ZNF804B: variants seen among roughly 807,000 people sequenced by gnomAD.
ZNF804B encodes zinc finger protein 804B, also known as zinc finger 804B.
A neutral mutation model predicts 101.4 loss-of-function variants in ZNF804B; 80 were observed. The ratio of observed to expected loss-of-function variants is 0.79; its 90% CI spans 0.66 to 0.95. ZNF804B has a LOEUF of 0.95. Ranked by LOEUF, ZNF804B falls within the 40% of genes least tolerant of loss-of-function variation. The pLI is 0.00. For synonymous variants in ZNF804B, 622 were observed against 558.8 expected (o/e 1.11, Z -1.59); for missense variants, 1,673 against 1,561.9 (o/e 1.07, Z -1.20).
At chr7:89,123,872 T>G (rs545693889) in intron 1 of ZNF804B, among the ~76,000 whole-genome samples, 2 of 152,270 alleles carry the variant, frequency 1.3e-5, no homozygotes, top group Admixed American at 1.3e-4. Flanking sequence ...TAAGACTCCA[T>G]GGAATATATT....
intron 2 of ZNF804B, among the ~76,000 whole-genome samples, chr7:89,319,547 C>T (rs1790786978): frequency 1.3e-5 from 2 of 152,276 alleles, no homozygotes; most frequent in Non-Finnish European, 2.9e-5. Flanking sequence ...ACTCCTGTGT[C>T]CAAGTCACAG....
At chr7:89,092,408 G>T (rs1227334582) in intron 1 of ZNF804B, among the ~76,000 whole-genome samples, 59 of 93,782 alleles carry the variant, frequency 6.3e-4, no homozygotes, top group East Asian at 2.2e-3. Flanking sequence ...TTTCTTTTCT[G>T]TTTTTTTTTT....
At chr7:88,961,852 CT>C (rs1158389606) in intron 1 of ZNF804B, among the ~76,000 whole-genome samples, 4 of 151,308 alleles carry the variant, frequency 2.6e-5, no homozygotes, top group Non-Finnish European at 5.9e-5. Flanking sequence ...TGACGCTGCC[CT>C]GCCACATTTC....
intron 1 of ZNF804B, among the ~76,000 whole-genome samples, chr7:89,164,783 C>T (rs1372568206): frequency 6.6e-6 from 1 of 152,042 alleles, no homozygotes; most frequent in African/African-American, 2.4e-5. Context: ...CATTATGTTG[C>T]TGTCTGAAGC....
At chr7:89,303,181 C>T (rs752763982) in intron 2 of ZNF804B, among the ~76,000 whole-genome samples, 5 of 151,724 alleles carry the variant, frequency 3.3e-5, no homozygotes, top group Non-Finnish European at 7.4e-5. Context: ...TGTTGTATTC[C>T]AGACATTTCA....
At position 89,197,691 on chromosome 7, in the gene ZNF804B, A is replaced by T. The variant is rs569762665; in HGVS notation, c.109-20464A>T. On this transcript the variant is annotated intron_variant, in intron 1 of 3. Coordinates refer to ENST00000333190, the MANE Select transcript of ZNF804B (RefSeq NM_181646.5). Reference sequence around the variant, plus strand: ...GTCACTCGGTTACTCATTAGAATTTATATTTTTCTCTTAACAGCACGCTTA... The same window carrying T: ...GTCACTCGGTTACTCATTAGAATTTTTATTTTTCTCTTAACAGCACGCTTA... 8.6e-5 allele frequency among the ~76,000 whole-genome samples: 13 copies of T among 152,010 alleles called. No homozygotes were observed. In the East Asian group the frequency reaches 2.5e-3, roughly 29 times the overall value.
At chr7:89,068,464 G>A (rs1789487824) in intron 1 of ZNF804B, among the ~76,000 whole-genome samples, 1 of 151,982 alleles carries the variant, frequency 6.6e-6, no homozygotes, top group South Asian at 2.1e-4. Flanking sequence ...TTTTCTGTAA[G>A]GAGAGTAAAT....
At chr7:88,939,767 TAA>T (rs956798325) in intron 1 of ZNF804B, among the ~76,000 whole-genome samples, 1 of 138,966 alleles carries the variant, frequency 7.2e-6, no homozygotes. Flanking sequence ...AGTGATCTAA[TAA>T]AAAAAAAAAG....
chr7:89,265,466 A>G (rs1438144563), intron 2 of ZNF804B, among the ~76,000 whole-genome samples: 1 of 151,066 alleles, frequency 6.6e-6, no homozygotes, highest in Non-Finnish European at 1.5e-5. Context: ...TAATTTGCAT[A>G]GAGGGAAGTT....
chr7:88,777,383 A>G (rs1790158082), intron 1 of ZNF804B, among the ~76,000 whole-genome samples: 1 of 152,194 alleles, frequency 6.6e-6, no homozygotes, highest in Non-Finnish European at 1.5e-5. Flanking sequence ...CCTTTGGAAG[A>G]CCCAACCAGA....
rs185035848 is a variant in ZNF804B at position 89,177,048 on chromosome 7, T to C, written c.109-41107T>C. On this transcript the variant is annotated intron_variant, in intron 1 of 3. Transcript: ENST00000333190. ...CCTTTTTTTGTTAGTCTGGCTAAGC[T>C]TTTGTTTATTTTGCTTATCTTTTCA... Among the ~76,000 whole-genome samples the C allele has an allele frequency of 2.5e-3, 386 of 152,238 alleles. 3 individuals carry two copies. The highest frequency in any genetic ancestry group is 8.4e-3 in the African/African-American group (349 of 41,574).
intron 1 of ZNF804B, among the ~76,000 whole-genome samples, chr7:88,976,621 A>AT (rs537530474): frequency 8.6e-5 from 13 of 151,376 alleles, no homozygotes; most frequent in Non-Finnish European, 1.5e-4. Context: ...ATTAGTTTTA[A>AT]TTTTTTTGGT....
chr7:89,261,277 CTT>C (rs529217692), intron 2 of ZNF804B, among the ~76,000 whole-genome samples: 33 of 151,824 alleles, frequency 2.2e-4, no homozygotes, highest in Non-Finnish European at 4.3e-4. Flanking sequence ...TTGTAATAGA[CTT>C]GTGATATTTT....
chr7:89,004,836 T>C (rs1263799387), intron 1 of ZNF804B, among the ~76,000 whole-genome samples: 3 of 151,996 alleles, frequency 2.0e-5, no homozygotes, highest in Non-Finnish European at 4.4e-5. Context: ...GCCACCATCT[T>C]CATTTTTCTG....
chr7:89,158,441 A>G (rs1419107375), intron 1 of ZNF804B, among the ~76,000 whole-genome samples: 1 of 151,836 alleles, frequency 6.6e-6, no homozygotes, highest in Non-Finnish European at 1.5e-5. Context: ...TTCTCAGATC[A>G]TTTTCTCTTT....
Position 89,210,145 on chromosome 7 carries a change from CAA to C in ZNF804B, c.109-7998_109-7997del, listed in dbSNP as rs35071660. Reference sequence around the variant, plus strand: ...CCTGGGTGAGAGTGAGACTTCATATCAAAAAAAAAAAAAGAAAGAAATCAATC... The same window carrying C: ...CCTGGGTGAGAGTGAGACTTCATATCAAAAAAAAAAAGAAAGAAATCAATC... On this transcript the variant is annotated intron_variant, in intron 1 of 3. Transcript: ENST00000333190. Among the ~76,000 whole-genome samples, 6 of 129,004 alleles carry C rather than the reference CAA, an allele frequency of 4.7e-5. No homozygotes were observed. The East Asian group carries it at 7.3e-4, about 16-fold the overall frequency. The allele number at this position is 129,004 out of a possible 152,430, so 84.6% of individuals were successfully genotyped here. A position where few individuals can be genotyped will look rare whatever the true frequency, so the allele number is the denominator to read the frequency against.
At chr7:88,913,803 G>A (rs1214584812) in intron 1 of ZNF804B, among the ~76,000 whole-genome samples, 1 of 152,106 alleles carries the variant, frequency 6.6e-6, no homozygotes, top group Non-Finnish European at 1.5e-5. Flanking sequence ...CTGTCAAAAC[G>A]GTAATTATTT....
intron 1 of ZNF804B, among the ~76,000 whole-genome samples, chr7:89,079,525 T>C (rs1789664019): frequency 6.6e-6 from 1 of 152,066 alleles, no homozygotes; most frequent in Non-Finnish European, 1.5e-5. Context: ...AAACACTTAC[T>C]CTCTGCAAAA....
chr7:88,869,744 T>G (rs1023488517), intron 1 of ZNF804B, among the ~76,000 whole-genome samples: 2 of 152,120 alleles, frequency 1.3e-5, no homozygotes, highest in Non-Finnish European at 2.9e-5. Context: ...TGGAGTTGCA[T>G]GTTTAATCCA....
Sources: gnomAD v4.1 joint callset for allele counts (sites outside exome capture counted in the v4.1 genomes callset) on GRCh38, gnomAD v4.1.1 for gene constraint, MANE v1.5 for transcripts, NCBI Gene and HGNC (gene_info 2026-07-23, HGNC 2026-07-21) for gene names.